XXYLT1: variants seen among roughly 807,000 people sequenced by gnomAD.
The protein encoded by XXYLT1 is UDP-xylose:alpha-xyloside alpha-1,3-xylosyltransferase.
Under a neutral mutation model 28.9 loss-of-function variants are expected in XXYLT1, and 20 were observed. The ratio of observed to expected loss-of-function variants is 0.69; its 90% confidence interval spans 0.49 to 1.00. XXYLT1 has a LOEUF of 1.00. XXYLT1 is among the 50% of genes least tolerant of loss of function. The pLI is 0.00. For missense variants in XXYLT1, 542 were observed against 560.1 expected (o/e 0.97, Z 0.33); for synonymous variants, 257 against 253.8 (o/e 1.01, Z -0.12).
intron 2 of XXYLT1, among the ~76,000 whole-genome samples, chr3:195,158,140 G>A (rs897489336): frequency 1.2e-4 from 18 of 152,136 alleles, no homozygotes; most frequent in Admixed American, 6.5e-5. Context: ...TCATCACATC[G>A]AAAGCCCACC....
intron 3 of XXYLT1, among the ~76,000 whole-genome samples, chr3:195,110,268 T>TG (rs1156529049): frequency 1.4e-4 from 5 of 36,004 alleles, no homozygotes; most frequent in African/African-American, 2.1e-4. Flanking sequence ...TGTGTGGGTG[T>TG]GTGGTGTGTG....
chr3:195,210,895 C>A lies in XXYLT1; in HGVS notation c.652+15814G>T, dbSNP rs1208160645. 6.6e-6 allele frequency among the ~76,000 whole-genome samples: 1 copy of A among 152,194 alleles called. No individual in the cohort carries two copies. Among genetic ancestry groups the A allele is most frequent in the Non-Finnish European group, 1.5e-5 (1 of 68,030 alleles). On this transcript the variant is annotated intron_variant, in intron 2 of 3. Transcript: ENST00000310380. The surrounding 1 kb of genome is among the most constrained non-coding windows in gnomAD (Gnocchi z 4.8). The stretch of plus-strand genomic sequence containing the variant: ...CCACACCAAGAACCCCTGCTCCTCC[C>A]CCCAGCTGAACGCTGACAGTCAAGG...
At chr3:195,159,673 C>T (rs1720772756) in intron 2 of XXYLT1, among the ~76,000 whole-genome samples, 1 of 152,200 alleles carries the variant, frequency 6.6e-6, no homozygotes, top group Non-Finnish European at 1.5e-5. Flanking sequence ...GGCAGCACTC[C>T]TCAGGAGCTC....
At chr3:195,237,464 T>C (rs1250953955) in intron 1 of XXYLT1, among the ~76,000 whole-genome samples, 1 of 152,146 alleles carries the variant, frequency 6.6e-6, no homozygotes, top group Non-Finnish European at 1.5e-5. Flanking sequence ...CTGTCTTTCC[T>C]ACCCTCTGCA....
intron 2 of XXYLT1, among the ~76,000 whole-genome samples, chr3:195,198,217 G>T (rs1722709090): frequency 6.6e-6 from 1 of 152,198 alleles, no homozygotes; most frequent in African/African-American, 2.4e-5. Context: ...GTATGCTTGG[G>T]AAGGAAGGGA....
chr3:195,194,076 AT>A (rs750760339), intron 2 of XXYLT1, among the ~76,000 whole-genome samples: 14 of 152,048 alleles, frequency 9.2e-5, no homozygotes, highest in Non-Finnish European at 1.9e-4. Context: ...AACATTAAAA[AT>A]TTTGTGCATA....
At chr3:195,175,947 T>G in intron 2 of XXYLT1, 1 of 1,366,790 alleles carries the variant, frequency 7.3e-7, no homozygotes, top group African/African-American at 1.5e-5. Context: ...TGTTTGTTAT[T>G]ACAGCCCAGC....
Position 195,211,250 on chromosome 3 carries a change from C to T in XXYLT1, c.652+15459G>A, listed in dbSNP as rs547296620. 3.9e-5 allele frequency among the ~76,000 whole-genome samples: 6 copies of T among 152,216 alleles called. 1 individual carries two copies. Among genetic ancestry groups the T allele is most frequent in the African/African-American group, 7.2e-5 (3 of 41,510 alleles). ...CTCTACTAAAAATACAAAAATTAGC[C>T]GGGCGTGGTGGCTCACGCCTGTAAT... On this transcript the variant is annotated intron_variant, in intron 2 of 3. Coordinates refer to ENST00000310380, the MANE Select transcript of XXYLT1 (RefSeq NM_152531.5).
In XXYLT1 at chr3:195,173,771, G is replaced by T. The variant is rs1174611855; in HGVS notation, c.653-17190C>A. Among the ~76,000 whole-genome samples, 1 of 152,156 alleles carries T rather than the reference G, an allele frequency of 6.6e-6. No individual in the cohort carries two copies. Among genetic ancestry groups the T allele is most frequent in the Admixed American group, 6.5e-5 (1 of 15,282 alleles). On this transcript the variant is annotated intron_variant, in intron 2 of 3. Coordinates refer to ENST00000310380, the MANE Select transcript of XXYLT1 (RefSeq NM_152531.5). This position sits in a 1 kb window ranked among gnomAD's most constrained non-coding sequence, Gnocchi z 4.3. ...GGAGCTTTGCATCTCAGGCCATCCC[G>T]CACCGGCTCGCTGTCCAGGAGAGCA...
chr3:195,267,841 C>T (rs1449661723), intron 1 of XXYLT1, among the ~76,000 whole-genome samples: 1 of 152,154 alleles, frequency 6.6e-6, no homozygotes, highest in Non-Finnish European at 1.5e-5. Flanking sequence ...AGAGGAAAGG[C>T]ATGTGACATA....
intron 3 of XXYLT1, among the ~76,000 whole-genome samples, chr3:195,096,335 A>G (rs983251043): frequency 6.6e-6 from 1 of 152,168 alleles, no homozygotes; most frequent in Admixed American, 6.5e-5. Context: ...CACAGCACTC[A>G]GAGGCCTCCA....
intron 3 of XXYLT1, among the ~76,000 whole-genome samples, chr3:195,134,823 AGG>A (rs1191281353): frequency 1.5e-5 from 2 of 134,778 alleles, no homozygotes; most frequent in African/African-American, 2.8e-5. Flanking sequence ...TGGCGTGAAG[AGG>A]GGTGTGTGTG....
chr3:195,245,342 T>C (rs1171030074), intron 1 of XXYLT1, among the ~76,000 whole-genome samples: 4 of 151,554 alleles, frequency 2.6e-5, no homozygotes, highest in Non-Finnish European at 4.4e-5. Flanking sequence ...GTATTTTTAG[T>C]AGAGATGGGG....
chr3:195,078,842 T>C lies in XXYLT1; in HGVS notation c.786-8731A>G, dbSNP rs1446059546. ...ATCCCCTTCCTCTCTGCTCCATCCC[T>C]AGGGACACCCTCAAGAATTCCAAAT... On this transcript the variant is annotated intron_variant, in intron 3 of 3. Transcript: ENST00000310380. The surrounding 1 kb of genome is among the most constrained non-coding windows in gnomAD (Gnocchi z 5.0). 6.6e-6 allele frequency among the ~76,000 whole-genome samples: 1 copy of C among 152,110 alleles called. No homozygotes were observed. The highest frequency in any genetic ancestry group is 1.5e-5 in the Non-Finnish European group (1 of 68,004).
chr3:195,085,789 GCT>G (rs1715694055), intron 3 of XXYLT1: 1 of 152,654 alleles, frequency 6.6e-6, no homozygotes, highest in Non-Finnish European at 1.5e-5. Flanking sequence ...CAGAGCCACT[GCT>G]CTGAGCACTC....
At position 195,271,122 on chromosome 3, in the gene XXYLT1, CCGGCGGCCACTTAGCCCCGGCGCCAGG is replaced by C. The variant is rs1258604757; in HGVS notation, c.-91_-65del. The stretch of plus-strand genomic sequence containing the variant: ...GGGAGAGCCCTCGGGTACCCGGACG[CCGGCGGCCACTTAGCCCCGGCGCCAGG>C]CGGCGGCCATGAAAGGGGCGGGGCC... On this transcript the variant is annotated 5_prime_UTR_variant, in exon 1 of 4. An upstream open reading frame in the 5' UTR loses its in-frame stop. Coordinates refer to ENST00000310380, the MANE Select transcript of XXYLT1 (RefSeq NM_152531.5). The C allele has an allele frequency of 1.7e-4, 218 of 1,274,104 alleles. No homozygotes were observed. In the African/African-American group the frequency reaches 2.6e-3, roughly 15 times the overall value. The allele number at this position is 1,274,104 out of a possible 1,614,324, so 78.9% of individuals were successfully genotyped here.
At chr3:195,161,735 A>C (rs1720882722) in intron 2 of XXYLT1, among the ~76,000 whole-genome samples, 1 of 151,296 alleles carries the variant, frequency 6.6e-6, no homozygotes, top group African/African-American at 2.4e-5. Flanking sequence ...CCCGGGTTCA[A>C]GCAATTCTCC....
At chr3:195,104,634 C>A (rs904544901) in intron 3 of XXYLT1, among the ~76,000 whole-genome samples, 2 of 152,188 alleles carry the variant, frequency 1.3e-5, no homozygotes, top group African/African-American at 4.8e-5. Flanking sequence ...CTGAGAGAGG[C>A]TGCTGCTGTT....
At chr3:195,144,005 C>A (rs1719698246) in intron 3 of XXYLT1, among the ~76,000 whole-genome samples, 2 of 148,782 alleles carry the variant, frequency 1.3e-5, no homozygotes, top group Admixed American at 1.3e-4. Flanking sequence ...AGCAATTCTC[C>A]TGCTCAGACT....
Sources: allele counts gnomAD v4.1 joint callset (sites outside exome capture counted in the v4.1 genomes callset), GRCh38; gene constraint gnomAD v4.1.1; non-coding constraint Gnocchi (gnomAD v3.1); transcripts MANE v1.5; gene names NCBI Gene and HGNC (gene_info 2026-07-23, HGNC 2026-07-21).